The following CALCR variants were observed in gnomAD, a reference collection of about 807,000 sequenced individuals.
The protein encoded by CALCR is calcitonin receptor.
CALCR carries 47 observed loss-of-function variants against 59.5 expected under a neutral mutation model. That is an observed-to-expected ratio of 0.79 (90% CI 0.63 to 1.01). The LOEUF (loss-of-function observed/expected upper bound fraction) is 1.01. Ranked by LOEUF, CALCR falls within the 50% of genes least tolerant of loss-of-function variation. The pLI, the probability that CALCR is intolerant of heterozygous loss-of-function variation, is 0.00. For missense variants in CALCR, 566 were observed against 597.1 expected, an observed-to-expected ratio of 0.95 and a Z score of 0.54; for synonymous variants, 213 against 211.3, an observed-to-expected ratio of 1.01 and a Z score of -0.07.
At chr7:93,470,177 A>C (rs1463883688) in intron 6 of CALCR, among the ~76,000 whole-genome samples, 1 of 151,688 alleles carries the variant, frequency 6.6e-6, no homozygotes, top group Non-Finnish European at 1.5e-5. Flanking sequence ...AGGAAATGTT[A>C]ATAAAGTTAG....
At chr7:93,508,697 T>TA (rs1203403206) in intron 2 of CALCR, among the ~76,000 whole-genome samples, 1 of 152,184 alleles carries the variant, frequency 6.6e-6, no homozygotes, top group Admixed American at 6.5e-5. Context: ...ATCTGTTTGT[T>TA]ATAATAGCTG....
chr7:93,501,215 T>C (rs1801315191), intron 2 of CALCR, among the ~76,000 whole-genome samples: 1 of 152,032 alleles, frequency 6.6e-6, no homozygotes, highest in Non-Finnish European at 1.5e-5. Context: ...ACGAACTTTA[T>C]CTAAAATGAT....
intron 2 of CALCR, among the ~76,000 whole-genome samples, chr7:93,523,261 C>T (rs1801802031): frequency 6.6e-6 from 1 of 152,068 alleles, no homozygotes; most frequent in Non-Finnish European, 1.5e-5. Context: ...TATTCCTTTC[C>T]ATAAGGACTT....
chr7:93,493,705 C>T (rs537830256), intron 2 of CALCR, among the ~76,000 whole-genome samples: 1 of 151,490 alleles, frequency 6.6e-6, no homozygotes, highest in East Asian at 1.9e-4. Context: ...AAGTAACAAG[C>T]ACCAGTGTGA....
chr7:93,558,574 A>G (rs1329892463), intron 2 of CALCR, among the ~76,000 whole-genome samples: 5 of 152,156 alleles, frequency 3.3e-5, no homozygotes, highest in Non-Finnish European at 7.4e-5. Context: ...TGTTCTTGAT[A>G]GTCTTTTAAA....
chr7:93,430,015 T>C (rs1799624887), intron 13 of CALCR, among the ~76,000 whole-genome samples: 1 of 148,482 alleles, frequency 6.7e-6, no homozygotes, highest in Non-Finnish European at 1.5e-5. Context: ...CACTGCAAGC[T>C]CCACCTCCCG....
chr7:93,477,734 C>A (rs1584567237), intron 4 of CALCR, 66 bp from the exon 5 acceptor site: 1 of 986,512 alleles, frequency 1.0e-6, no homozygotes, highest in Non-Finnish European at 1.6e-6. Context: ...AGATTGATCC[C>A]AAGACGATAT....
intron 2 of CALCR, among the ~76,000 whole-genome samples, chr7:93,552,890 G>A (rs1789498551): frequency 6.6e-6 from 1 of 152,074 alleles, no homozygotes. Context: ...TAGACATGGT[G>A]GGCCATATTC....
intron 2 of CALCR, among the ~76,000 whole-genome samples, chr7:93,559,971 C>A (rs1030594342): frequency 2.0e-5 from 3 of 152,058 alleles, no homozygotes; most frequent in African/African-American, 7.2e-5. Context: ...ATTCTCACAA[C>A]ACAGTGTATA....
At chr7:93,433,766 T>C (rs1799708316) in intron 13 of CALCR, among the ~76,000 whole-genome samples, 4 of 152,230 alleles carry the variant, frequency 2.6e-5, no homozygotes, top group Admixed American at 2.6e-4. Flanking sequence ...CTGATCTAAA[T>C]ATTCACATTG....
At chr7:93,511,009 G>A (rs758355357) in intron 2 of CALCR, among the ~76,000 whole-genome samples, 4 of 152,090 alleles carry the variant, frequency 2.6e-5, no homozygotes, top group Non-Finnish European at 4.4e-5. Context: ...ACTTCATAGA[G>A]AAGGTGACCT....
intron 13 of CALCR, among the ~76,000 whole-genome samples, chr7:93,427,467 T>A (rs1171744253): frequency 1.3e-5 from 2 of 152,234 alleles, no homozygotes; most frequent in African/African-American, 2.4e-5. Context: ...TTTCTATTGC[T>A]CAGTACATAC....
chr7:93,545,098 G>A (rs915093159), intron 2 of CALCR, among the ~76,000 whole-genome samples: 30 of 152,004 alleles, frequency 2.0e-4, no homozygotes, highest in African/African-American at 7.0e-4. Context: ...TAAGTTGGTG[G>A]GATGGGAAGG....
chr7:93,510,265 G>T (rs1371214653), intron 2 of CALCR, among the ~76,000 whole-genome samples: 1 of 152,056 alleles, frequency 6.6e-6, no homozygotes, highest in African/African-American at 2.4e-5. Flanking sequence ...ATGTTTTTCT[G>T]GTTCAGAGTA....
At chr7:93,494,506 T>C (rs1801155395) in intron 2 of CALCR, among the ~76,000 whole-genome samples, 1 of 151,432 alleles carries the variant, frequency 6.6e-6, no homozygotes, top group Non-Finnish European at 1.5e-5. Context: ...AGAAACAATT[T>C]CTTTTGTTTT....
At chr7:93,502,891 A>G (rs1801349119) in intron 2 of CALCR, among the ~76,000 whole-genome samples, 1 of 152,116 alleles carries the variant, frequency 6.6e-6, no homozygotes. Context: ...ATATTTATAT[A>G]TGAATAGAAA....
At chr7:93,460,560 A>ATATAGATATATATAT (rs1800296863) in intron 8 of CALCR, among the ~76,000 whole-genome samples, 1 of 79,916 alleles carries the variant, frequency 1.3e-5, no homozygotes, top group African/African-American at 8.9e-5. Flanking sequence ...TATCTAAAAA[A>ATATAGATATATATAT]AAAAAAAAAA....
At position 93,424,835 on chromosome 7, in the gene CALCR, G is replaced by GACTT. The variant is rs1343453483; in HGVS notation, c.*1517_*1520dup. On this transcript the variant is annotated 3_prime_UTR_variant, in exon 14 of 14. Transcript: ENST00000426151. ...TCCCCCCCTTACATTCAGTAAAGGA[G>GACTT]ACTTAAACTACTTTAGTATCCCAAA... is the stretch of plus-strand genomic sequence containing the variant. 6 of 152,502 alleles carry GACTT rather than the reference G, an allele frequency of 3.9e-5. No homozygotes were observed. Among genetic ancestry groups the GACTT allele is most frequent in the African/African-American group, 1.4e-4 (6 of 41,404 alleles). The allele number at this position is 152,502 out of a possible 1,614,324, so 9.4% of individuals were successfully genotyped here. A position where few individuals can be genotyped will look rare whatever the true frequency, so the allele number is the denominator to read the frequency against.
At chr7:93,554,769 G>GTGTATATATATATATATATATATA (rs1554408434) in intron 2 of CALCR, among the ~76,000 whole-genome samples, 1 of 117,198 alleles carries the variant, frequency 8.5e-6, no homozygotes, top group Admixed American at 8.8e-5. Flanking sequence ...GCCAGGCCAT[G>GTGTATATATATATATATATATATA]TATATATATA....
Sources: allele counts gnomAD v4.1 joint callset (sites outside exome capture counted in the v4.1 genomes callset), GRCh38; gene constraint gnomAD v4.1.1; transcripts MANE v1.5; gene names NCBI Gene and HGNC (gene_info 2026-07-23, HGNC 2026-07-21).